Variants in PHKA1 observed in about 807,000 individuals in gnomAD.
The protein encoded by PHKA1 is phosphorylase b kinase regulatory subunit alpha, skeletal muscle isoform.
A neutral mutation model predicts 110.2 loss-of-function variants in PHKA1; 60 were observed. That is an observed-to-expected ratio of 0.54 (90% confidence interval 0.44 to 0.68). The LOEUF (loss-of-function observed/expected upper bound fraction) is 0.68. Ranked by LOEUF, PHKA1 falls within the 30% of genes least tolerant of loss-of-function variation. PHKA1 has a pLI of 0.00. For synonymous variants in PHKA1, 316 were observed against 333.6 expected (o/e 0.95, Z 0.58); for missense variants, 801 against 942.5 (o/e 0.85, Z 1.97).
In PHKA1 at chrX:72,581,012, G is replaced by A. The variant is rs1556200354; in HGVS notation, c.3662C>T (p.Ala1221Val). The A allele has an allele frequency of 1.7e-6, 2 of 1,210,666 alleles. No homozygotes were observed. Among genetic ancestry groups the A allele is most frequent in the Non-Finnish European group, 2.2e-6 (2 of 894,669 alleles). ...VQEFLPHSICAMQ is the reference protein window; with the variant it reads ...VQEFLPHSICVMQ Reference sequence around the variant, plus strand: ...CAGGAACCAAAGCCCTCATTGCATGGCACAGATGCTGTGGGGCAGGAACTC... The same window carrying A: ...CAGGAACCAAAGCCCTCATTGCATGACACAGATGCTGTGGGGCAGGAACTC... Residue 1221 changes from alanine (A) to valine (V), a missense_variant, in exon 32 of 32, where the codon GCC becomes GTC. By Grantham distance (64) the Ala-to-Val change is moderately conservative. Coordinates refer to ENST00000373542, the MANE Select transcript of PHKA1 (RefSeq NM_002637.4).
intron 3 of PHKA1, among the ~76,000 whole-genome samples, chrX:72,698,287 T>C (rs992693845): frequency 8.9e-6 from 1 of 111,857 alleles, no homozygotes; most frequent in Admixed American, 9.5e-5. Flanking sequence ...CTACTAAACA[T>C]ATATAAGAGA....
intron 5 of PHKA1, among the ~76,000 whole-genome samples, chrX:72,677,358 T>A (rs1022206405): frequency 8.9e-6 from 1 of 111,994 alleles, no homozygotes; most frequent in Non-Finnish European, 1.9e-5. Flanking sequence ...ACTGTTACTA[T>A]TTTTTTGTTT....
intron 20 of PHKA1, 53 bp downstream of exon 20, chrX:72,619,161 A>G: frequency 1.3e-6 from 1 of 747,655 alleles, no homozygotes; most frequent in Non-Finnish European, 2.1e-6. Context: ...TATTTCCCAT[A>G]AAGATGGCAG....
At chrX:72,645,118 C>G (rs1193063502) in intron 13 of PHKA1, among the ~76,000 whole-genome samples, 1 of 111,777 alleles carries the variant, frequency 8.9e-6, no homozygotes, top group Non-Finnish European at 1.9e-5. Flanking sequence ...TCCTCTTATA[C>G]TCCTGTCACT....
At chrX:72,696,672 C>A (rs1308983853) in intron 3 of PHKA1, among the ~76,000 whole-genome samples, 1 of 111,869 alleles carries the variant, frequency 8.9e-6, no homozygotes, top group Non-Finnish European at 1.9e-5. Context: ...TAAAACCAAG[C>A]TGTGCCCCAA....
chrX:72,697,268 GC>G (rs1450650474), intron 3 of PHKA1: 1 of 111,946 alleles, frequency 8.9e-6, no homozygotes, highest in Non-Finnish European at 1.9e-5. Flanking sequence ...TTAACAACCA[GC>G]TGGTGTTAAA....
At chrX:72,593,458 C>T in intron 28 of PHKA1, 184 bp from the exon 29 acceptor site, 1 of 406,169 alleles carries the variant, frequency 2.5e-6, no homozygotes, top group South Asian at 3.4e-5. Flanking sequence ...TCTCCTGCCT[C>T]AGCCTCCCGA....
intron 16 of PHKA1, among the ~76,000 whole-genome samples, chrX:72,632,659 T>C (rs1341341763): frequency 1.8e-5 from 2 of 111,729 alleles, no homozygotes; most frequent in African/African-American, 6.5e-5. Context: ...ATTTAACTAA[T>C]CCACATTTCA....
chrX:72,580,587 A>T lies in PHKA1; in HGVS notation c.*415T>A, dbSNP rs2052322609. 6.6e-6 allele frequency: 1 copy of T among 152,432 alleles called. No individual in the cohort carries two copies. The highest frequency in any genetic ancestry group is 7.6e-5 in the Admixed American group (1 of 13,216). 12.6% of individuals were successfully genotyped at this position (152,432 alleles called of 1,213,427 possible). On this transcript the variant is annotated 3_prime_UTR_variant, in exon 32 of 32. Coordinates refer to ENST00000373542, the MANE Select transcript of PHKA1 (RefSeq NM_002637.4). ...GAAATAATGTCCCAAAGTACCCACCACTCATATACACAATAAAATCACAAA... is the reference window on the plus strand; with the variant it reads ...GAAATAATGTCCCAAAGTACCCACCTCTCATATACACAATAAAATCACAAA...
rs781811981 is a variant in PHKA1, at chrX:72,593,137, T to C, written c.3210A>G (p.Gly1070=). The part of the protein sequence containing the change: ...LDGALNRVPV[G]FYQKVWKVLQ... ...AAACTTTCCATACTTTCTGATAAAA[T>C]CCAACTGGAACTCTATTCAGTGCCC... The change falls in exon 29 of 32, where the codon GGA becomes GGG. Residue 1070 remains glycine, a synonymous_variant. Coordinates refer to ENST00000373542, the MANE Select transcript of PHKA1 (RefSeq NM_002637.4). 3 of 1,202,108 alleles carry C rather than the reference T, an allele frequency of 2.5e-6. No individual in the cohort carries two copies. The East Asian group carries it at 8.9e-5, about 36-fold the overall frequency.
intron 3 of PHKA1, among the ~76,000 whole-genome samples, chrX:72,702,658 A>T (rs782177883): frequency 9.0e-6 from 1 of 111,595 alleles, no homozygotes; most frequent in South Asian, 3.8e-4. Context: ...GGACCTACCC[A>T]TCTAGAAATA....
At chrX:72,677,012 A>G (rs2053786802) in intron 5 of PHKA1, among the ~76,000 whole-genome samples, 1 of 112,151 alleles carries the variant, frequency 8.9e-6, no homozygotes, top group Admixed American at 9.5e-5. Context: ...ACATTCCAGG[A>G]TCCAATCCAG....
chrX:72,649,234 G>A (rs1327293410), intron 13 of PHKA1, among the ~76,000 whole-genome samples: 1 of 112,091 alleles, frequency 8.9e-6, no homozygotes, highest in Non-Finnish European at 1.9e-5. Context: ...TTTCCATATA[G>A]AACCAACCCC....
intron 5 of PHKA1, among the ~76,000 whole-genome samples, chrX:72,682,397 C>T (rs1396593405): frequency 1.8e-5 from 2 of 113,342 alleles, no homozygotes; most frequent in Non-Finnish European, 3.8e-5. Context: ...GGCGCCTCTG[C>T]CCGGCCACCA....
chrX:72,683,492 A>G (rs1389104956), intron 5 of PHKA1, among the ~76,000 whole-genome samples: 1 of 112,322 alleles, frequency 8.9e-6, no homozygotes, highest in Non-Finnish European at 1.9e-5. Flanking sequence ...TTATGGAGGT[A>G]TAAATGATAT....
chrX:72,681,381 C>G (rs2053863342), intron 5 of PHKA1, among the ~76,000 whole-genome samples: 1 of 113,020 alleles, frequency 8.8e-6, no homozygotes, highest in Non-Finnish European at 1.9e-5. Context: ...GCCACCCCAT[C>G]TGGGAGGGAG....
chrX:72,620,661 C>T, intron 19 of PHKA1, 64 bp downstream of exon 19: 5 of 982,517 alleles, frequency 5.1e-6, no homozygotes, highest in Non-Finnish European at 7.2e-6. Context: ...TAATCAATGC[C>T]CGCCCCTATC....
chrX:72,682,184 C>T (rs868974245), intron 5 of PHKA1, among the ~76,000 whole-genome samples: 1 of 89,340 alleles, frequency 1.1e-5, no homozygotes, highest in Non-Finnish European at 2.3e-5. Context: ...CCCGGCCAGC[C>T]GCCCCGTCCG....
In PHKA1 at chrX:72,666,280, T is replaced by C. The variant is rs1556306378; in HGVS notation, c.735A>G (p.Leu245=). ...CTTTTGATGTTGAAGCACGGGGCAG[T>C]AGTGAATTTAGGATAGACTAAGAGA... The part of the protein sequence containing the change: ...VQHCQSILNS[L]LPRASTSKEV... Residue 245 remains leucine, a synonymous_variant, in exon 8 of 32, where the codon CTA becomes CTG. Transcript: ENST00000373542. 2.5e-6 allele frequency: 3 copies of C among 1,209,049 alleles called. No homozygotes were observed. Among genetic ancestry groups the C allele is most frequent in the Admixed American group, 2.2e-5 (1 of 46,036 alleles).
Sources: gnomAD v4.1 joint callset for allele counts (sites outside exome capture counted in the v4.1 genomes callset) on GRCh38, gnomAD v4.1.1 for gene constraint, MANE v1.5 for transcripts, NCBI Gene and HGNC (gene_info 2026-07-23, HGNC 2026-07-21) for gene names.